The following NALF1 variants were observed in gnomAD, a reference collection of about 807,000 sequenced individuals.
NALF1 encodes family with sequence similarity 155 member A.
NALF1 carries 3 observed loss-of-function variants against 48.4 expected under a neutral mutation model. That is an observed-to-expected ratio of 0.06 (90% CI 0.03 to 0.16). NALF1 has a LOEUF of 0.16. Among genes scored for constraint, NALF1 ranks in the 10% least tolerant of loss-of-function variants. The pLI is 1.00. For synonymous variants in NALF1, 262 were observed against 245.7 expected (o/e 1.07, Z -0.62); for missense variants, 526 against 571.5 (o/e 0.92, Z 0.81).
At chr13:107,640,732 T>C (rs1416226589) in intron 1 of NALF1, among the ~76,000 whole-genome samples, 1 of 152,206 alleles carries the variant, frequency 6.6e-6, no homozygotes, top group African/African-American at 2.4e-5. Flanking sequence ...CCAAGAAATA[T>C]ATTTGGTATT....
intron 1 of NALF1, among the ~76,000 whole-genome samples, chr13:107,532,593 T>C (rs549297273): frequency 7.4e-4 from 113 of 152,184 alleles, no homozygotes; most frequent in African/African-American, 2.6e-3. Context: ...TACTGGAAAA[T>C]TAATCAAATT....
At chr13:107,416,638 T>G (rs1032543694) in intron 1 of NALF1, among the ~76,000 whole-genome samples, 1 of 152,178 alleles carries the variant, frequency 6.6e-6, no homozygotes, top group African/African-American at 2.4e-5. Flanking sequence ...AATGGACTGT[T>G]TATGTTATCA....
chr13:107,699,266 T>A (rs1166501091), intron 1 of NALF1, among the ~76,000 whole-genome samples: 1 of 152,010 alleles, frequency 6.6e-6, no homozygotes, highest in African/African-American at 2.4e-5. Flanking sequence ...GTCATTATAC[T>A]CAGTATAAAA....
chr13:107,397,196 G>A (rs1207439157), intron 1 of NALF1, among the ~76,000 whole-genome samples: 2 of 152,168 alleles, frequency 1.3e-5, no homozygotes, highest in East Asian at 3.9e-4. Context: ...CCATGCATAA[G>A]AGCCTACTTC....
intron 1 of NALF1, among the ~76,000 whole-genome samples, chr13:107,656,656 G>A (rs1415901344): frequency 6.6e-6 from 1 of 152,084 alleles, no homozygotes; most frequent in African/African-American, 2.4e-5. Flanking sequence ...TCCCACTACT[G>A]GGTATCTACC....
Position 107,567,727 on chromosome 13 carries a change from ACTCT to A in NALF1, c.915+297951_915+297954del, listed in dbSNP as rs1056894279. ...GAGTAACCACCACCAAAATCAAAAT[ACTCT>A]ATCTAGCATTAACACGAATCTCCCT... On this transcript the variant is annotated intron_variant, in intron 1 of 2. Transcript: ENST00000375915. Among the ~76,000 whole-genome samples the A allele has an allele frequency of 2.0e-5, 3 of 151,990 alleles. 1 individual carries two copies. The highest frequency in any genetic ancestry group is 7.3e-5 in the African/African-American group (3 of 41,362).
chr13:107,230,125 A>G (rs1880189136), intron 1 of NALF1, among the ~76,000 whole-genome samples: 1 of 152,222 alleles, frequency 6.6e-6, no homozygotes, highest in Non-Finnish European at 1.5e-5. Flanking sequence ...TTATGGATAG[A>G]AACACTTTTG....
chr13:107,320,478 T>C (rs1882233062), intron 1 of NALF1, among the ~76,000 whole-genome samples: 1 of 152,082 alleles, frequency 6.6e-6, no homozygotes, highest in Non-Finnish European at 1.5e-5. Context: ...TCACATCAAC[T>C]CCTTAGTTGC....
intron 1 of NALF1, among the ~76,000 whole-genome samples, chr13:107,792,683 TAAAGTTCATAAA>T (rs1005466718): frequency 2.1e-4 from 32 of 152,332 alleles, no homozygotes; most frequent in Non-Finnish European, 1.8e-4. Context: ...GTATGTTAGT[TAAAGTTCATAAA>T]AGAGTGAAAC....
chr13:107,256,465 C>T (rs139668656), intron 1 of NALF1, among the ~76,000 whole-genome samples: 172 of 152,268 alleles, frequency 1.1e-3, no homozygotes, highest in African/African-American at 4.1e-3. Context: ...CAATAAACCA[C>T]ATTAAATTAA....
chr13:107,191,270 A>C (rs985567438), intron 2 of NALF1, among the ~76,000 whole-genome samples: 14 of 152,310 alleles, frequency 9.2e-5, no homozygotes, highest in African/African-American at 3.4e-4. Flanking sequence ...TAGTAAAAAA[A>C]AAAAATGAGT....
intron 1 of NALF1, among the ~76,000 whole-genome samples, chr13:107,753,673 G>A (rs1877005496): frequency 6.6e-6 from 1 of 152,084 alleles, no homozygotes; most frequent in Non-Finnish European, 1.5e-5. Flanking sequence ...GGGATTTTAT[G>A]CAATTTTCCT....
At chr13:107,251,646 T>C (rs1400142928) in intron 1 of NALF1, among the ~76,000 whole-genome samples, 3 of 152,174 alleles carry the variant, frequency 2.0e-5, no homozygotes, top group Non-Finnish European at 2.9e-5. Flanking sequence ...AATTCTGTTA[T>C]GGAAAAGTCA....
At chr13:107,217,299 G>C (rs555656117) in intron 1 of NALF1, among the ~76,000 whole-genome samples, 1 of 152,002 alleles carries the variant, frequency 6.6e-6, no homozygotes, top group South Asian at 2.1e-4. Flanking sequence ...AAATGCCACT[G>C]GGACTTGTTT....
intron 1 of NALF1, among the ~76,000 whole-genome samples, chr13:107,267,586 A>T (rs1163206565): frequency 6.6e-6 from 1 of 152,210 alleles, no homozygotes; most frequent in African/African-American, 2.4e-5. Context: ...GCATTCCAGG[A>T]TCCCCAGTGG....
At chr13:107,325,003 A>T (rs182183344) in intron 1 of NALF1, among the ~76,000 whole-genome samples, 4 of 152,350 alleles carry the variant, frequency 2.6e-5, no homozygotes, top group African/African-American at 9.6e-5. Context: ...AACTGAATCA[A>T]TTGTAAAGAT....
At chr13:107,349,023 C>T (rs1882824437) in intron 1 of NALF1, among the ~76,000 whole-genome samples, 1 of 152,142 alleles carries the variant, frequency 6.6e-6, no homozygotes, top group South Asian at 2.1e-4. Context: ...TTATAAATGA[C>T]ACAGTCACTC....
chr13:107,171,761 T>C (rs1594053319), intron 2 of NALF1, among the ~76,000 whole-genome samples: 1 of 152,160 alleles, frequency 6.6e-6, no homozygotes, highest in East Asian at 1.9e-4. Context: ...ATTTTTTTTC[T>C]ACTTGACTGA....
chr13:107,841,458 AT>A (rs1453080599), intron 1 of NALF1, among the ~76,000 whole-genome samples: 11 of 152,134 alleles, frequency 7.2e-5, no homozygotes, highest in African/African-American at 2.7e-4. Context: ...AAAAATTCAT[AT>A]TAAAATGTTT....
Sources: gnomAD v4.1 joint callset for allele counts (sites outside exome capture counted in the v4.1 genomes callset) on GRCh38, gnomAD v4.1.1 for gene constraint, MANE v1.5 for transcripts, NCBI Gene and HGNC (gene_info 2026-07-23, HGNC 2026-07-21) for gene names.